Variants in MAN1B1 observed in about 807,000 individuals in gnomAD.
MAN1B1 encodes endoplasmic reticulum mannosyl-oligosaccharide 1,2-alpha-mannosidase.
In MAN1B1, 66 loss-of-function variants were observed where a neutral mutation model predicts 75.5. The ratio of observed to expected loss-of-function variants is 0.87; its 90% CI spans 0.72 to 1.07. The LOEUF is 1.07. MAN1B1 is among the 50% of genes least tolerant of loss of function. The probability of loss-of-function intolerance (pLI) is 0.00; values close to 1 mark genes in which losing one functional copy is unlikely to be tolerated. For synonymous variants in MAN1B1, 453 were observed against 382.8 expected, an observed-to-expected ratio of 1.18 and a Z score of -2.14; for missense variants, 973 against 912.5, an observed-to-expected ratio of 1.07 and a Z score of -0.85.
At chr9:137,094,615 A>C (rs1830604123) in intron 3 of MAN1B1, among the ~76,000 whole-genome samples, 2 of 151,842 alleles carry the variant, frequency 1.3e-5, no homozygotes, top group Non-Finnish European at 2.9e-5. Context: ...ATAGTGGCTC[A>C]TGCCTGTAAT....
chr9:137,101,438 C>G lies in MAN1B1; in HGVS notation c.1066-46C>G, dbSNP rs1207250118. 23 of 1,558,786 alleles carry G rather than the reference C, an allele frequency of 1.5e-5. No individual in the cohort carries two copies. In the Admixed American group the frequency reaches 4.0e-4, roughly 27 times the overall value. On this transcript the variant is annotated intron_variant, in intron 7 of 12. Coordinates refer to ENST00000371589, the MANE Select transcript of MAN1B1 (RefSeq NM_016219.5). The stretch of plus-strand genomic sequence containing the variant: ...CTGCATGAAAGGGTGTAGACGAGGC[C>G]TCTGGGTGACCTGAACGTTGGTTCT...
chr9:137,088,511 A>G, intron 2 of MAN1B1: 1 of 1,204,766 alleles, frequency 8.3e-7, no homozygotes, highest in Non-Finnish European at 1.2e-6. Context: ...GTGTTTGGAA[A>G]AGACCAGGCA....
Position 137,107,667 on chromosome 9 carries a change from G to T in MAN1B1, c.1896+5G>T. 1 of 1,609,622 alleles carries T rather than the reference G, an allele frequency of 6.2e-7. No individual in the cohort carries two copies. On this transcript the variant is annotated splice_donor_5th_base_variant and intron_variant, in intron 12 of 12. Transcript: ENST00000371589. Reference sequence around the variant, plus strand: ...AGCTTCAGCCGATTCACACGGGTGAGCACCTGTCCTCGCCCCGCGTGGTCA... The same window carrying T: ...AGCTTCAGCCGATTCACACGGGTGATCACCTGTCCTCGCCCCGCGTGGTCA...
At chr9:137,094,378 C>T (rs1186273773) in intron 3 of MAN1B1, 2 of 499,208 alleles carry the variant, frequency 4.0e-6, no homozygotes, top group African/African-American at 1.9e-5. Context: ...TTTGTTCCGA[C>T]CTTCCACTGT....
In MAN1B1 at chr9:137,099,771, G is replaced by A. The variant is rs763855498; in HGVS notation, c.806G>A (p.Trp269Ter). The change falls in exon 6 of 13, where the codon TGG (tryptophan) becomes TAG (stop). Residue 269 changes from tryptophan (W) to a stop codon, truncating the protein, a stop_gained. Transcript: ENST00000371589. LOFTEE classifies it high-confidence loss of function. ...TGGAAAGGATACCGCAAGTTTGCAT[G>A]GGGCCATGACGAGCTGAAGCCTGTG... The part of the protein sequence containing the change: ...HAWKGYRKFA[W>*]GHDELKPVSR... The A allele has an allele frequency of 6.2e-7, 1 of 1,614,230 alleles. No individual in the cohort carries two copies. Among genetic ancestry groups the A allele is most frequent in the Non-Finnish European group, 8.5e-7 (1 of 1,180,058 alleles).
chr9:137,108,806 G>T lies in MAN1B1; in HGVS notation c.*215G>T. On this transcript the variant is annotated 3_prime_UTR_variant, in exon 13 of 13. Transcript: ENST00000371589. The stretch of plus-strand genomic sequence containing the variant: ...TGATGCGGGGTGGGCTGGGCCGCTG[G>T]AGCCTCCGCCTGCTTCCTCCAGAAG... The T allele has an allele frequency of 1.4e-6, 1 of 690,798 alleles. No homozygotes were observed. Among genetic ancestry groups the T allele is most frequent in the Non-Finnish European group, 2.6e-6 (1 of 378,000 alleles). 42.8% of individuals were successfully genotyped at this position (690,798 alleles called of 1,614,324 possible).
rs761587504 is a variant in MAN1B1, at chr9:137,108,536, A to T, written c.2045A>T (p.Asp682Val). Residue 682 changes from aspartate to valine, a missense_variant, in exon 13 of 13, where the codon GAT (aspartate) becomes GTT (valine). Transcript: ENST00000371589. Reference sequence around the variant, plus strand: ...GATGACCCAAACCTGCTCAGCCTGGATGCCTACGTGTTCAACACCGAAGCC... The same window carrying T: ...GATGACCCAAACCTGCTCAGCCTGGTTGCCTACGTGTTCAACACCGAAGCC... The part of the protein sequence containing the change: ...FSDDPNLLSL[D>V]AYVFNTEAHP... 1 of 1,613,874 alleles carries T rather than the reference A, an allele frequency of 6.2e-7. No individual in the cohort carries two copies. The highest frequency in any genetic ancestry group is 2.2e-5 in the East Asian group (1 of 44,866).
intron 1 of MAN1B1, among the ~76,000 whole-genome samples, 184 bp from the exon 2 acceptor site, chr9:137,087,891 G>T (rs563144513): frequency 1.3e-5 from 2 of 151,740 alleles, no homozygotes; most frequent in East Asian, 3.9e-4. Flanking sequence ...CTCATCCCGC[G>T]TTCCACCCAC....
intron 3 of MAN1B1, among the ~76,000 whole-genome samples, chr9:137,095,764 G>C (rs936489070): frequency 6.6e-6 from 1 of 152,176 alleles, no homozygotes; most frequent in Non-Finnish European, 1.5e-5. Flanking sequence ...GGAACAGGGT[G>C]GTGGGGGCTG....
At position 137,101,741 on chromosome 9, in the gene MAN1B1, C is replaced by CTG. The variant is rs149690374; in HGVS notation, c.1254+83_1254+84dup. 1.5e-3 allele frequency: 2,254 copies of CTG among 1,464,662 alleles called. 11 individuals carry two copies. Among genetic ancestry groups the CTG allele is most frequent in the African/African-American group, 0.015 (1,055 of 71,302 alleles). 90.7% of individuals were successfully genotyped at this position (1,464,662 alleles called of 1,614,324 possible). A position where few individuals can be genotyped will look rare whatever the true frequency, so the allele number is the denominator to read the frequency against. ...TACCTTTTGCTCATCACAGCAGGTA[C>CTG]TGTGTGTGTGTGTGTATGTGCATGT... is the stretch of plus-strand genomic sequence containing the variant. On this transcript the variant is annotated intron_variant, in intron 8 of 12. Coordinates refer to ENST00000371589, the MANE Select transcript of MAN1B1 (RefSeq NM_016219.5).
At chr9:137,099,029 G>A (rs746697965) in intron 5 of MAN1B1, among the ~76,000 whole-genome samples, 61 of 152,176 alleles carry the variant, frequency 4.0e-4, no homozygotes, top group African/African-American at 1.0e-3. Context: ...GGGGTTTCGC[G>A]ATGTTGGCGA....
Position 137,097,897 on chromosome 9 carries a change from C to G in MAN1B1, c.690C>G (p.Thr230=). ...ELPSRRAEVP[T]KPPLPPARTQ... is the part of the protein sequence containing the mutation. ...CTTCAAGAAGAGCAGAAGTGCCCAC[C>G]AAGCCTCCCCTGCCACCGGCCAGGA... Residue 230 remains threonine (T), a synonymous_variant, in exon 5 of 13, where the codon ACC becomes ACG. Coordinates refer to ENST00000371589, the MANE Select transcript of MAN1B1 (RefSeq NM_016219.5). The G allele has an allele frequency of 1.3e-6, 2 of 1,560,546 alleles. No homozygotes were observed. Among genetic ancestry groups the G allele is most frequent in the South Asian group, 2.4e-5 (2 of 84,548 alleles).
At position 137,096,327 on chromosome 9, in the gene MAN1B1, A is replaced by G. The variant is rs779400088; in HGVS notation, c.556A>G (p.Thr186Ala). 1 of 1,614,102 alleles carries G rather than the reference A, an allele frequency of 6.2e-7. No homozygotes were observed. Among genetic ancestry groups the G allele is most frequent in the East Asian group, 2.2e-5 (1 of 44,880 alleles). Residue 186 changes from threonine to alanine, a missense_variant, in exon 4 of 13, where the codon ACA becomes GCA. Coordinates refer to ENST00000371589, the MANE Select transcript of MAN1B1 (RefSeq NM_016219.5). ...DLKDGTQEEATKRQEAPVDPR... is the reference protein window; with the variant it reads ...DLKDGTQEEAAKRQEAPVDPR... Reference sequence around the variant, plus strand: ...GAAGGATGGGACCCAGGAGGAGGCCACAAAAAGGCAAGAAGCCCCTGTGGA... The same window carrying G: ...GAAGGATGGGACCCAGGAGGAGGCCGCAAAAAGGCAAGAAGCCCCTGTGGA...
intron 5 of MAN1B1, among the ~76,000 whole-genome samples, chr9:137,098,395 C>T (rs1322546578): frequency 6.6e-6 from 1 of 152,242 alleles, no homozygotes; most frequent in Non-Finnish European, 1.5e-5. Context: ...CTCACCCTCC[C>T]GTTCTCCAGA....
rs150891378 is a variant in MAN1B1 at position 137,101,557 on chromosome 9, G to A, written c.1139G>A (p.Gly380Asp). The change falls in exon 8 of 13, where the codon GGT becomes GAT. Residue 380 changes from glycine (G) to aspartate (D), a missense_variant. Transcript: ENST00000371589. ...ATTCCTTACTCGGATGTGAACATCG[G>A]TACTGGAGTTGCCCACCCGCCACGG... ...SKIPYSDVNI[G>D]TGVAHPPRWT... The A allele has an allele frequency of 6.2e-6, 10 of 1,613,764 alleles. No individual in the cohort carries two copies. The highest frequency in any genetic ancestry group is 8.5e-6 in the Non-Finnish European group (10 of 1,180,052).
chr9:137,098,069 T>C (rs2131007366), intron 5 of MAN1B1, 132 bp downstream of exon 5: 1 of 690,396 alleles, frequency 1.4e-6, no homozygotes, highest in Non-Finnish European at 2.6e-6. Context: ...CATCCCCCTG[T>C]TGTCTGAGTC....
intron 3 of MAN1B1, chr9:137,089,263 CAA>C: frequency 2.0e-6 from 1 of 509,840 alleles, no homozygotes; most frequent in Non-Finnish European, 3.6e-6. Flanking sequence ...TGTTTCCTCT[CAA>C]GAGGCCACAG....
intron 3 of MAN1B1, among the ~76,000 whole-genome samples, chr9:137,091,521 A>ATTTTTTTTTTT (rs964752016): frequency 3.3e-5 from 3 of 89,918 alleles, no homozygotes; most frequent in Admixed American, 1.4e-4. Flanking sequence ...TTTGTTTTAT[A>ATTTTTTTTTTT]TTTTTTTTTT....
At chr9:137,090,174 A>C (rs187438965) in intron 3 of MAN1B1, among the ~76,000 whole-genome samples, 23 of 152,226 alleles carry the variant, frequency 1.5e-4, no homozygotes, top group African/African-American at 5.1e-4. Flanking sequence ...AATCCCCGAC[A>C]CCGTTGAGAA....
Sources: allele counts gnomAD v4.1 joint callset (sites outside exome capture counted in the v4.1 genomes callset), GRCh38; gene constraint gnomAD v4.1.1; transcripts MANE v1.5; gene names NCBI Gene and HGNC (gene_info 2026-07-23, HGNC 2026-07-21).